The following CLIP2 variants were observed in gnomAD, a reference collection of about 807,000 sequenced individuals.
CLIP2 encodes CAP-Gly domain containing linker protein 2.
A neutral mutation model predicts 111.7 loss-of-function variants in CLIP2; 41 were observed. That is an observed-to-expected ratio of 0.37 (90% CI 0.29 to 0.48). The LOEUF (loss-of-function observed/expected upper bound fraction) is 0.48, where lower values mean the gene tolerates loss of function less well. CLIP2 is among the 20% of genes least tolerant of loss of function. The pLI is 0.99. For synonymous variants in CLIP2, 660 were observed against 644.2 expected (o/e 1.02, Z -0.37); for missense variants, 1,160 against 1,422.1 (o/e 0.82, Z 2.96).
intron 2 of CLIP2, among the ~76,000 whole-genome samples, chr7:74,335,991 C>T (rs183224885): frequency 0.011 from 1,321 of 123,268 alleles, 21 homozygotes; most frequent in African/African-American, 0.033. Flanking sequence ...ATCCGCCCGC[C>T]TCGGCCTCCC....
chr7:74,301,539 T>C (rs229893), intron 1 of CLIP2, among the ~76,000 whole-genome samples: 87,463 of 146,998 alleles, frequency 0.59, 28,688 homozygotes, highest in Non-Finnish European at 0.75. Context: ...CCCGCCACAA[T>C]GCCCGGCTAA....
At chr7:74,329,153 C>G (rs959391357) in intron 2 of CLIP2, among the ~76,000 whole-genome samples, 1 of 143,446 alleles carries the variant, frequency 7.0e-6, no homozygotes, top group African/African-American at 2.6e-5. Context: ...GTCTCGATCT[C>G]CTGACCTCGT....
chr7:74,310,036 C>CAAAAAAAAAAAAA lies in CLIP2; in HGVS notation c.-67-7414_-67-7402dup, dbSNP rs71094774. On this transcript the variant is annotated intron_variant, in intron 1 of 16. Coordinates refer to ENST00000223398, the MANE Select transcript of CLIP2 (RefSeq NM_003388.5). ...GCAATATGGCAAGACCCTGTCTCTA[C>CAAAAAAAAAAAAA]AAAAAAAAAAAAAAAAAAAAAAAAA... 3.4e-4 allele frequency among the ~76,000 whole-genome samples: 31 copies of CAAAAAAAAAAAAA among 92,482 alleles called. 2 individuals carry two copies. The highest frequency in any genetic ancestry group is 8.0e-4 in the African/African-American group (13 of 16,224). The allele number at this position is 92,482 out of a possible 152,430, so 60.7% of individuals were successfully genotyped here.
intron 8 of CLIP2, among the ~76,000 whole-genome samples, chr7:74,372,072 C>G (rs1465129458): frequency 1.3e-5 from 2 of 152,138 alleles, no homozygotes; most frequent in African/African-American, 4.8e-5. Context: ...ACTTGGGTCT[C>G]CAAACTGCTC....
rs1487577635 is a variant in CLIP2 at position 74,341,364 on chromosome 7, T to A, written c.678+2360T>A. On this transcript the variant is annotated intron_variant, in intron 3 of 16. Coordinates refer to ENST00000223398, the MANE Select transcript of CLIP2 (RefSeq NM_003388.5). Reference sequence around the variant, plus strand: ...CATCACGCCCTGCTAATTTTTTGTATTTTTAGTAGAGATAGGGTTTCACCA... The same window carrying A: ...CATCACGCCCTGCTAATTTTTTGTAATTTTAGTAGAGATAGGGTTTCACCA... 1.5e-4 allele frequency among the ~76,000 whole-genome samples: 22 copies of A among 151,024 alleles called. No individual in the cohort carries two copies. In the Admixed American group the frequency reaches 1.5e-3, roughly 10 times the overall value.
At chr7:74,331,205 C>CAAAAAAAAAAAAAA (rs58844348) in intron 2 of CLIP2, among the ~76,000 whole-genome samples, 2 of 59,954 alleles carry the variant, frequency 3.3e-5, no homozygotes, top group Admixed American at 2.9e-4. Context: ...GACTCCATCT[C>CAAAAAAAAAAAAAA]AAAAAAAAAA....
intron 12 of CLIP2, among the ~76,000 whole-genome samples, chr7:74,387,255 G>A (rs1554314957): frequency 6.6e-6 from 1 of 151,362 alleles, no homozygotes; most frequent in African/African-American, 2.4e-5. Context: ...CTCTCTTTTT[G>A]CTTTTGTTTT....
intron 11 of CLIP2, among the ~76,000 whole-genome samples, chr7:74,385,832 T>C (rs1221032284): frequency 4.1e-5 from 6 of 145,364 alleles, no homozygotes; most frequent in Non-Finnish European, 9.0e-5. Flanking sequence ...AACCTCTGCC[T>C]CCCAAGTTCA....
At chr7:74,347,370 G>A (rs1474744694) in intron 3 of CLIP2, among the ~76,000 whole-genome samples, 1 of 152,126 alleles carries the variant, frequency 6.6e-6, no homozygotes, top group Non-Finnish European at 1.5e-5. Context: ...CCGGGTTCAC[G>A]CCATTCTCCT....
intron 3 of CLIP2, among the ~76,000 whole-genome samples, chr7:74,343,419 A>T (rs1428250870): frequency 1.3e-5 from 2 of 152,026 alleles, no homozygotes; most frequent in Non-Finnish European, 1.5e-5. Context: ...GTGGGCACCT[A>T]CTGGGGGTGG....
rs558599467 is a variant in CLIP2, at chr7:74,400,960, G to C, written c.3066+405G>C. Among the ~76,000 whole-genome samples the C allele has an allele frequency of 6.6e-5, 10 of 151,500 alleles. No homozygotes were observed. The South Asian group carries it at 1.2e-3, about 19-fold the overall frequency. On this transcript the variant is annotated intron_variant, in intron 15 of 16. Transcript: ENST00000223398. ...CTGTCCCGGGAACCCTAGTCTGAAG[G>C]GGGAGGCATTTCTGTCCTAGGAACC...
intron 5 of CLIP2, 105 bp from the exon 6 acceptor site, chr7:74,357,175 T>G (rs893600199): frequency 4.1e-6 from 4 of 978,316 alleles, no homozygotes; most frequent in Non-Finnish European, 6.3e-6. Flanking sequence ...TCAAGGCACT[T>G]GGGCTCCCAC....
intron 13 of CLIP2, among the ~76,000 whole-genome samples, chr7:74,391,030 C>T (rs1427858016): frequency 1.3e-5 from 2 of 151,610 alleles, no homozygotes; most frequent in Non-Finnish European, 1.5e-5. Context: ...GCCTGGGCAA[C>T]AAGAGCGAAA....
At chr7:74,319,295 C>G (rs1554729654) in intron 2 of CLIP2, among the ~76,000 whole-genome samples, 1 of 151,882 alleles carries the variant, frequency 6.6e-6, no homozygotes, top group African/African-American at 2.4e-5. Flanking sequence ...GGAGGATCAC[C>G]TAGGTCAGGA....
intron 9 of CLIP2, among the ~76,000 whole-genome samples, chr7:74,374,226 CTGTGTGCA>C (rs1328517731): frequency 6.6e-6 from 1 of 152,234 alleles, no homozygotes; most frequent in Non-Finnish European, 1.5e-5. Flanking sequence ...GCACAAGTGG[CTGTGTGCA>C]TGTGTGCAGG....
intron 3 of CLIP2, among the ~76,000 whole-genome samples, chr7:74,351,133 AAG>A (rs139848360): frequency 1.1e-3 from 165 of 147,614 alleles, no homozygotes; most frequent in Non-Finnish European, 1.7e-3. Context: ...GAGAGAAAGA[AAG>A]AGAGAGAGAG....
intron 12 of CLIP2, among the ~76,000 whole-genome samples, chr7:74,387,917 G>A (rs375393785): frequency 5.3e-5 from 8 of 152,294 alleles, no homozygotes; most frequent in African/African-American, 1.2e-4. Context: ...GGCCGTGAGC[G>A]ATGCTCATGC....
chr7:74,311,126 T>C (rs1554728465), intron 1 of CLIP2, among the ~76,000 whole-genome samples: 1 of 151,796 alleles, frequency 6.6e-6, no homozygotes, highest in East Asian at 1.9e-4. Context: ...ACTACAGGTG[T>C]CTGCCACCAC....
intron 11 of CLIP2, among the ~76,000 whole-genome samples, chr7:74,381,921 A>G (rs528366083): frequency 6.6e-6 from 1 of 152,192 alleles, no homozygotes; most frequent in Non-Finnish European, 1.5e-5. Flanking sequence ...ATTGGGCTCA[A>G]CCAATTTTAA....
Sources: gnomAD v4.1 joint callset for allele counts (sites outside exome capture counted in the v4.1 genomes callset) on GRCh38, gnomAD v4.1.1 for gene constraint, MANE v1.5 for transcripts, NCBI Gene and HGNC (gene_info 2026-07-23, HGNC 2026-07-21) for gene names.